The following MLXIPL variants were observed in gnomAD, a reference collection of about 807,000 sequenced individuals.
The protein encoded by MLXIPL is MLX interacting protein like.
In MLXIPL, 49 loss-of-function variants were observed where a neutral mutation model predicts 81.5. The observed-to-expected ratio is 0.60, with a 90% CI of 0.48 to 0.76. MLXIPL has a LOEUF of 0.76. Among genes scored for constraint, MLXIPL ranks in the 30% least tolerant of loss-of-function variants. The pLI is 0.00. For missense variants in MLXIPL, 1,053 were observed against 1,167.0 expected, an observed-to-expected ratio of 0.90 and a Z score of 1.42; for synonymous variants, 466 against 485.5, an observed-to-expected ratio of 0.96 and a Z score of 0.53.
the MLXIPL span, among the ~76,000 whole-genome samples, chr7:73,639,749 G>A: frequency 6.6e-6 from 1 of 152,154 alleles, no homozygotes; most frequent in South Asian, 2.1e-4. Flanking sequence ...TAACTAAGAT[G>A]CAATGCTAAT....
intron 2 of MLXIPL, among the ~76,000 whole-genome samples, chr7:73,614,199 A>C (rs111845459): frequency 7.9e-5 from 12 of 152,258 alleles, no homozygotes; most frequent in African/African-American, 2.4e-4. Flanking sequence ...CATGGGCAAC[A>C]TGAGCGAAAC....
At chr7:73,606,289 C>A in intron 5 of MLXIPL, 178 bp from the exon 6 acceptor site, 2 of 660,364 alleles carry the variant, frequency 3.0e-6, no homozygotes, top group Non-Finnish European at 2.7e-6. Flanking sequence ...CTCCATTGGC[C>A]TCTAAGAACT....
At chr7:73,620,208 A>C (rs1419725134) in intron 1 of MLXIPL, among the ~76,000 whole-genome samples, 2 of 151,880 alleles carry the variant, frequency 1.3e-5, no homozygotes, top group Non-Finnish European at 2.9e-5. Context: ...GTTCAAGACC[A>C]GCCTGGCTAA....
intron 2 of MLXIPL, among the ~76,000 whole-genome samples, chr7:73,612,141 C>A (rs1795726457): frequency 6.6e-6 from 1 of 151,872 alleles, no homozygotes; most frequent in East Asian, 1.9e-4. Flanking sequence ...GCCTGAGCAA[C>A]CTAGTGAGAC....
Position 73,596,648 on chromosome 7 carries a change from C to T in MLXIPL, c.1813G>A (p.Ala605Thr). 6.3e-7 allele frequency: 1 copy of T among 1,596,680 alleles called. No homozygotes were observed. Among genetic ancestry groups the T allele is most frequent in the African/African-American group, 1.3e-5 (1 of 74,688 alleles). ...VPKAERLSPPAPSGSERRLSG... is the reference protein window; with the variant it reads ...VPKAERLSPPTPSGSERRLSG... ...CAACCCCTCTCTTTACCGCTGGGCG[C>T]TGGGGGTGAGAGCCGCTCCGCTTTG... Residue 605 changes from alanine (A) to threonine (T), a missense_variant, in exon 11 of 17, where the codon GCG (alanine) becomes ACG (threonine). Physicochemically the swap from Ala to Thr is moderately conservative, Grantham distance 58. This residue lies in a region of MLXIPL where 823 missense variants were observed against 933.0 expected (regional missense o/e 0.88). Transcript: ENST00000313375. The surrounding 1 kb of genome is among the most constrained non-coding windows in gnomAD (Gnocchi z 4.7).
At chr7:73,626,896 C>T (rs1206089935), upstream of MLXIPL, among the ~76,000 whole-genome samples, 1 of 152,154 alleles carries the variant, frequency 6.6e-6, no homozygotes, top group Non-Finnish European at 1.5e-5. Context: ...GGTTGACATG[C>T]AGCACTTTCT....
chr7:73,635,105 C>T, the MLXIPL span, among the ~76,000 whole-genome samples: 1 of 151,924 alleles, frequency 6.6e-6, no homozygotes, highest in African/African-American at 2.4e-5. Context: ...GGATTACAGG[C>T]GTAAGCCACT....
chr7:73,595,786 C>T, intron 14 of MLXIPL, 26 bp from the exon 15 acceptor site: 1 of 1,579,600 alleles, frequency 6.3e-7, no homozygotes, highest in Admixed American at 1.9e-5. Context: ...GGGTCAGGGG[C>T]TGGGGGTAAG....
the MLXIPL span, among the ~76,000 whole-genome samples, chr7:73,630,159 G>A: frequency 3.5e-3 from 526 of 151,632 alleles, 1 homozygote; most frequent in Non-Finnish European, 4.2e-3. Flanking sequence ...CACCACTCCC[G>A]GCTAATTTTT....
chr7:73,624,497 G>A lies in MLXIPL; in HGVS notation c.-5C>T. 3.3e-6 allele frequency: 5 copies of A among 1,523,894 alleles called. No individual in the cohort carries two copies. The highest frequency in any genetic ancestry group is 2.2e-4 in the Middle Eastern group (1 of 4,596). The allele number at this position is 1,523,894 out of a possible 1,614,324, so 94.4% of individuals were successfully genotyped here. The stretch of plus-strand genomic sequence containing the variant: ...ACCTGCCAGCGCGCCGGCCATGGCT[G>A]TCGCCGCCGCAACCGCCTGGTCCCT... On this transcript the variant is annotated 5_prime_UTR_variant, in exon 1 of 17. Coordinates refer to ENST00000313375, the MANE Select transcript of MLXIPL (RefSeq NM_032951.3).
intron 5 of MLXIPL, 35 bp from the exon 6 acceptor site, chr7:73,606,146 G>A (rs1554598076): frequency 6.5e-7 from 1 of 1,549,898 alleles, no homozygotes; most frequent in Non-Finnish European, 8.7e-7. Context: ...CCGCTAGAGA[G>A]CTCCCACTGC....
chr7:73,595,795 A>G (rs782750695), intron 14 of MLXIPL, 35 bp from the exon 15 acceptor site: 1 of 1,580,046 alleles, frequency 6.3e-7, no homozygotes, highest in South Asian at 1.1e-5. Context: ...GCTGGGGGTA[A>G]GGCGGCATGG....
the MLXIPL span, among the ~76,000 whole-genome samples, chr7:73,633,347 G>GT: frequency 0.07 from 9,755 of 138,538 alleles, 377 homozygotes; most frequent in Middle Eastern, 0.11. Flanking sequence ...CTCCCAAAGT[G>GT]TTTTTTTTTT....
the MLXIPL span, among the ~76,000 whole-genome samples, chr7:73,645,458 G>C: frequency 6.6e-6 from 1 of 152,036 alleles, no homozygotes; most frequent in Non-Finnish European, 1.5e-5. Flanking sequence ...AGGAGAGACA[G>C]AGCCACCTTG....
chr7:73,636,776 T>A, the MLXIPL span, among the ~76,000 whole-genome samples: 2 of 151,558 alleles, frequency 1.3e-5, no homozygotes, highest in Non-Finnish European at 1.5e-5. Flanking sequence ...TAAAAAAAAA[T>A]TTAGGTTGGG....
At chr7:73,601,217 T>TGTGTGTGTGTGTGTGTG (rs1794798516) in intron 7 of MLXIPL, among the ~76,000 whole-genome samples, 3 of 106,156 alleles carry the variant, frequency 2.8e-5, no homozygotes, top group African/African-American at 1.1e-4. Flanking sequence ...GTGTGTGTGT[T>TGTGTGTGTGTGTGTGTG]TGTGTCTTCA....
At chr7:73,603,945 G>T (rs1348532548) in intron 7 of MLXIPL, among the ~76,000 whole-genome samples, 1 of 152,176 alleles carries the variant, frequency 6.6e-6, no homozygotes, top group Non-Finnish European at 1.5e-5. Context: ...GCCAGACGCG[G>T]TAGCTCACAC....
chr7:73,628,042 G>A (rs997499576), upstream of MLXIPL, among the ~76,000 whole-genome samples: 1 of 151,882 alleles, frequency 6.6e-6, no homozygotes, highest in East Asian at 1.9e-4. Context: ...GGCTGGTCTC[G>A]AGCACCTGGG....
chr7:73,597,640 G>C lies in MLXIPL; in HGVS notation c.1145C>G (p.Pro382Arg), dbSNP rs570039127. The C allele has an allele frequency of 5.0e-5, 70 of 1,386,840 alleles. No homozygotes were observed. The highest frequency in any genetic ancestry group is 6.2e-5 in the Non-Finnish European group (67 of 1,073,942). 85.9% of individuals were successfully genotyped at this position (1,386,840 alleles called of 1,614,324 possible). A position where few individuals can be genotyped will look rare whatever the true frequency, so the allele number is the denominator to read the frequency against. The change falls in exon 9 of 17, where the codon CCC becomes CGC. Residue 382 changes from proline to arginine, a missense_variant. Around this residue, in one of 3 missense-constraint regions of MLXIPL, gnomAD observed 823 missense variants for 933.0 expected, o/e 0.88. Transcript: ENST00000313375. ...LSSDFLLPED[P>R]KPRLPPPPVP... ...AGGAGGGGGTGGGAGCCGGGGCTTG[G>C]GGTCTTCAGGAAGGAGGAAATCAGA...
Sources: allele counts gnomAD v4.1 joint callset (sites outside exome capture counted in the v4.1 genomes callset), GRCh38; gene constraint gnomAD v4.1.1; regional missense constraint gnomAD v4.1.1; non-coding constraint Gnocchi (gnomAD v3.1); transcripts MANE v1.5; gene names NCBI Gene and HGNC (gene_info 2026-07-23, HGNC 2026-07-21).